SLC13A3: variants seen among roughly 807,000 people sequenced by gnomAD.
The protein encoded by SLC13A3 is Na(+)/dicarboxylate cotransporter 3.
A neutral mutation model predicts 59.0 loss-of-function variants in SLC13A3; 40 were observed. That is an observed-to-expected ratio of 0.68 (90% confidence interval 0.53 to 0.88). The LOEUF (loss-of-function observed/expected upper bound fraction) is 0.88, where lower values mean the gene tolerates loss of function less well. Among genes scored for constraint, SLC13A3 ranks in the 40% least tolerant of loss-of-function variants. The pLI is 0.00. For synonymous variants in SLC13A3, 317 were observed against 330.3 expected (o/e 0.96, Z 0.44); for missense variants, 699 against 783.2 (o/e 0.89, Z 1.28).
chr20:46,578,882 A>G (rs989138862), intron 9 of SLC13A3, among the ~76,000 whole-genome samples: 4 of 151,912 alleles, frequency 2.6e-5, no homozygotes, highest in African/African-American at 9.7e-5. Context: ...GTTGGCAAAG[A>G]GGAAAGAGAA....
chr20:46,638,768 C>T (rs2062819097), intron 1 of SLC13A3, among the ~76,000 whole-genome samples: 1 of 152,166 alleles, frequency 6.6e-6, no homozygotes, highest in Admixed American at 6.5e-5. Context: ...TTTGGGGCAG[C>T]GGTTCTCAGC....
chr20:46,583,734 T>C (rs2062162799), intron 8 of SLC13A3, 65 bp from the exon 9 acceptor site: 1 of 1,596,556 alleles, frequency 6.3e-7, no homozygotes, highest in African/African-American at 1.3e-5. Context: ...TTTGGCAGAA[T>C]TGTAAAGGAG....
chr20:46,641,816 C>T (rs180730816), intron 1 of SLC13A3, among the ~76,000 whole-genome samples: 1 of 152,328 alleles, frequency 6.6e-6, no homozygotes, highest in African/African-American at 2.4e-5. Context: ...GAATAAACTA[C>T]TAGCCTGCAA....
At position 46,578,056 on chromosome 20, in the gene SLC13A3, C is replaced by T. The variant is rs1183185681; in HGVS notation, c.1220-2371G>A. On this transcript the variant is annotated intron_variant, in intron 9 of 12. Transcript: ENST00000279027. ...CGTCTCTGTCGCCCAGGCTGGAGTGCAGTGGTGCGATCTCGGCTCACTGCA... is the reference window on the plus strand; with the variant it reads ...CGTCTCTGTCGCCCAGGCTGGAGTGTAGTGGTGCGATCTCGGCTCACTGCA... 3.3e-5 allele frequency among the ~76,000 whole-genome samples: 5 copies of T among 151,962 alleles called. No homozygotes were observed. The East Asian group carries it at 9.8e-4, about 30-fold the overall frequency.
chr20:46,600,436 A>AAGGC (rs1317729544), intron 3 of SLC13A3, among the ~76,000 whole-genome samples: 1 of 151,544 alleles, frequency 6.6e-6, no homozygotes, highest in African/African-American at 2.4e-5. Context: ...GGAAGGAAGG[A>AAGGC]AGGAAGGAAA....
chr20:46,560,053 G>A lies in SLC13A3; in HGVS notation c.1778C>T (p.Thr593Ile), dbSNP rs1490764879. 6.2e-7 allele frequency: 1 copy of A among 1,614,182 alleles called. No homozygotes were observed. Residue 593 changes from threonine (T) to isoleucine (I), a missense_variant, in exon 13 of 13, where the codon ACC becomes ATC. Transcript: ENST00000279027. Reference protein sequence around the residue: ...YSVNVTALPPTLANDTFRTL With the variant: ...YSVNVTALPPILANDTFRTL The stretch of plus-strand genomic sequence containing the variant: ...GGTCCGAAATGTGTCATTGGCCAAG[G>A]TGGGTGGCAATGCTGTGACATTGAC...
rs756022039 is a variant in SLC13A3 at position 46,566,343 on chromosome 20, C to T, written c.1380G>A (p.Glu460=). The part of the protein sequence containing the change: ...VWIGGQLHPL[E]NVPPALAVLL... Reference sequence around the variant, plus strand: ...GCACAGCCAGGGCGGGGGGCACATTCTCCAGGGGGTGCAGCTGCCCACCAA... The same window carrying T: ...GCACAGCCAGGGCGGGGGGCACATTTTCCAGGGGGTGCAGCTGCCCACCAA... The change falls in exon 11 of 13, where the codon GAG becomes GAA. Residue 460 remains glutamate (E), a synonymous_variant. Transcript: ENST00000279027. 1 of 1,612,796 alleles carries T rather than the reference C, an allele frequency of 6.2e-7. No homozygotes were observed. Among genetic ancestry groups the T allele is most frequent in the Admixed American group, 1.7e-5 (1 of 59,968 alleles).
At chr20:46,604,586 C>T (rs777994663) in intron 3 of SLC13A3, among the ~76,000 whole-genome samples, 20 of 152,268 alleles carry the variant, frequency 1.3e-4, no homozygotes, top group Non-Finnish European at 1.0e-4. Flanking sequence ...CACCACGGGC[C>T]GCTCTCGTGG....
chr20:46,571,882 G>A (rs2062031347), intron 10 of SLC13A3, among the ~76,000 whole-genome samples: 1 of 152,126 alleles, frequency 6.6e-6, no homozygotes, highest in Non-Finnish European at 1.5e-5. Context: ...CAAAGGCTGT[G>A]GGGTGCATGT....
intron 1 of SLC13A3, among the ~76,000 whole-genome samples, chr20:46,632,918 T>TAGA (rs2062758091): frequency 3.1e-5 from 1 of 31,910 alleles, no homozygotes; most frequent in Admixed American, 2.6e-4. Flanking sequence ...GATATATCTA[T>TAGA]CTATCTATCT....
At chr20:46,680,298 T>A (rs1194772286) in intron 1 of SLC13A3, among the ~76,000 whole-genome samples, 1 of 152,204 alleles carries the variant, frequency 6.6e-6, no homozygotes, top group Non-Finnish European at 1.5e-5. Flanking sequence ...TGTATTATAA[T>A]CACCTGTTTG....
chr20:46,676,524 G>C (rs935102838), intron 1 of SLC13A3, among the ~76,000 whole-genome samples: 1 of 151,014 alleles, frequency 6.6e-6, no homozygotes, highest in African/African-American at 2.4e-5. Flanking sequence ...CAAATTGTTA[G>C]GATTACAGGC....
intron 4 of SLC13A3, among the ~76,000 whole-genome samples, chr20:46,597,053 TA>T (rs1000022600): frequency 5.9e-5 from 9 of 151,822 alleles, no homozygotes; most frequent in Admixed American, 3.3e-4. Flanking sequence ...ACCCTGTCTC[TA>T]AAAAAAATTA....
chr20:46,651,211 T>C, intron 1 of SLC13A3, 100 bp downstream of exon 1: 1 of 1,376,006 alleles, frequency 7.3e-7, no homozygotes. Context: ...TGGTGGAGCC[T>C]GTCTACACTG....
intron 1 of SLC13A3, among the ~76,000 whole-genome samples, chr20:46,642,017 C>T (rs1415134778): frequency 6.6e-6 from 1 of 152,210 alleles, no homozygotes; most frequent in Non-Finnish European, 1.5e-5. Flanking sequence ...CCTGCACACC[C>T]TGCCTTGCCC....
intron 8 of SLC13A3, chr20:46,585,241 T>C: frequency 1.0e-6 from 1 of 967,770 alleles, no homozygotes. Context: ...TATTTGTATG[T>C]GTGTATGTAT....
At chr20:46,628,603 G>T (rs935023984) in intron 1 of SLC13A3, among the ~76,000 whole-genome samples, 2 of 152,224 alleles carry the variant, frequency 1.3e-5, no homozygotes, top group Non-Finnish European at 2.9e-5. Context: ...GGCTGAAATG[G>T]AAAGTGGTCA....
rs142993741 is a variant in SLC13A3, at chr20:46,578,415, C to T, written c.1220-2730G>A. ...TACTGGCCGGGCATGGTGGTTCACG[C>T]CTGTAATTCCAGCACTTTGGGAGGA... is the stretch of plus-strand genomic sequence containing the variant. On this transcript the variant is annotated intron_variant, in intron 9 of 12. Coordinates refer to ENST00000279027, the MANE Select transcript of SLC13A3 (RefSeq NM_022829.6). Among the ~76,000 whole-genome samples the T allele has an allele frequency of 3.9e-4, 59 of 152,040 alleles. 1 individual carries two copies. The East Asian group carries it at 0.011, about 29-fold the overall frequency.
At chr20:46,627,777 T>C (rs375932509) in intron 1 of SLC13A3, among the ~76,000 whole-genome samples, 4 of 152,170 alleles carry the variant, frequency 2.6e-5, no homozygotes, top group African/African-American at 9.7e-5. Context: ...TACGCAATAC[T>C]GAATGTAATG....
Sources: allele counts gnomAD v4.1 joint callset (sites outside exome capture counted in the v4.1 genomes callset), GRCh38; gene constraint gnomAD v4.1.1; transcripts MANE v1.5; gene names NCBI Gene and HGNC (gene_info 2026-07-23, HGNC 2026-07-21).